ITSN2: variants seen among roughly 807,000 people sequenced by gnomAD.
ITSN2 encodes intersectin-2.
In ITSN2, 156 loss-of-function variants were observed where a neutral mutation model predicts 243.7. The observed-to-expected ratio is 0.64, with a 90% CI of 0.56 to 0.73. The LOEUF (loss-of-function observed/expected upper bound fraction) is 0.73. Among genes scored for constraint, ITSN2 ranks in the 30% least tolerant of loss-of-function variants. The pLI is 0.00. For synonymous variants in ITSN2, 703 were observed against 699.9 expected (o/e 1.00, Z -0.07); for missense variants, 1,801 against 1,996.1 (o/e 0.90, Z 1.86).
intron 17 of ITSN2, among the ~76,000 whole-genome samples, chr2:24,277,804 A>T (rs186499789): frequency 2.2e-4 from 33 of 152,380 alleles, no homozygotes; most frequent in African/African-American, 7.9e-4. Flanking sequence ...CATGTAAAAT[A>T]CACTAACAAT....
chr2:24,300,050 CT>C lies in ITSN2; in HGVS notation c.1202del (p.Lys401ArgfsTer22). ...REAERKAQKE[K>X]EEWERKQREL... Reference sequence around the variant, plus strand: ...CTCTCTGTTTTCGTTCCCACTCTTCCTTTTCTTTCTGGGCTTTACGTTCTGC... The same window carrying C: ...CTCTCTGTTTTCGTTCCCACTCTTCCTTTCTTTCTGGGCTTTACGTTCTGC... On this transcript the variant is annotated frameshift_variant, in exon 12 of 40. Transcript: ENST00000355123. LOFTEE classifies it high-confidence loss of function. 1 of 1,614,132 alleles carries C rather than the reference CT, an allele frequency of 6.2e-7. No individual in the cohort carries two copies. The highest frequency in any genetic ancestry group is 8.5e-7 in the Non-Finnish European group (1 of 1,180,028).
chr2:24,258,331 T>C (rs1056972719), intron 22 of ITSN2, among the ~76,000 whole-genome samples: 4 of 152,178 alleles, frequency 2.6e-5, no homozygotes, highest in Non-Finnish European at 4.4e-5. Context: ...ACATCACTGG[T>C]AGAGAAGGTA....
Position 24,275,789 on chromosome 2 carries a change from G to A in ITSN2, c.2005C>T (p.Arg669Cys), listed in dbSNP as rs144528455. The A allele has an allele frequency of 1.4e-5, 22 of 1,611,426 alleles. No homozygotes were observed. The highest frequency in any genetic ancestry group is 9.4e-5 in the African/African-American group (7 of 74,704). The change falls in exon 18 of 40, where the codon CGT (arginine) becomes TGT (cysteine). Residue 669 changes from arginine to cysteine, a missense_variant. Around this residue, in one of 5 missense-constraint regions of ITSN2, gnomAD observed 787 missense variants for 803.9 expected, o/e 0.98. Coordinates refer to ENST00000355123, the MANE Select transcript of ITSN2 (RefSeq NM_006277.3). ...CTTTCAATTTCCTTCAACTTGTCAC[G>A]TTTGATCTTATAAAGCTGTTCAAGG... ...LALEQLYKIK[R>C]DKLKEIERKR...
intron 29 of ITSN2, among the ~76,000 whole-genome samples, chr2:24,245,414 T>C (rs1453203594): frequency 1.3e-5 from 2 of 152,088 alleles, no homozygotes; most frequent in African/African-American, 4.8e-5. Flanking sequence ...AGGTTAGAAA[T>C]GTAATGGCTT....
intron 1 of ITSN2, among the ~76,000 whole-genome samples, chr2:24,331,773 T>C (rs1685815661): frequency 6.6e-6 from 1 of 152,174 alleles, no homozygotes; most frequent in Admixed American, 6.5e-5. Context: ...AGAGCAGTGG[T>C]TCTTCAGATA....
At chr2:24,207,365 T>G (rs1669003419) in intron 37 of ITSN2, among the ~76,000 whole-genome samples, 2 of 152,016 alleles carry the variant, frequency 1.3e-5, no homozygotes, top group African/African-American at 4.8e-5. Context: ...ACCACACTAC[T>G]GTCCACAGAG....
At chr2:24,350,823 A>G (rs1181922620) in intron 1 of ITSN2, among the ~76,000 whole-genome samples, 2 of 152,212 alleles carry the variant, frequency 1.3e-5, no homozygotes, top group Non-Finnish European at 2.9e-5. Context: ...AAAGTAGACT[A>G]GTGGCTACCT....
At chr2:24,285,957 G>C (rs1679444965) in intron 16 of ITSN2, among the ~76,000 whole-genome samples, 1 of 152,164 alleles carries the variant, frequency 6.6e-6, no homozygotes, top group Admixed American at 6.5e-5. Context: ...TTCTGGAAAT[G>C]TATAGATGCC....
At chr2:24,275,936 A>G (rs1677955025) in intron 17 of ITSN2, 87 bp from the exon 18 acceptor site, 3 of 978,834 alleles carry the variant, frequency 3.1e-6, no homozygotes, top group Non-Finnish European at 4.4e-6. Context: ...ATTAAAAGAT[A>G]AAAATCCTAT....
chr2:24,214,244 T>C (rs1669758087), intron 32 of ITSN2: 1 of 152,214 alleles, frequency 6.6e-6, no homozygotes. Context: ...TAAATGATAG[T>C]GGGTTTTAAC....
intron 4 of ITSN2, 103 bp from the exon 5 acceptor site, chr2:24,312,478 C>T (rs1186806714): frequency 2.1e-5 from 14 of 676,062 alleles, no homozygotes; most frequent in East Asian, 5.6e-5. Context: ...ATGGCATTCA[C>T]GTGTACATCA....
At chr2:24,310,239 T>C (rs1683087007) in intron 7 of ITSN2, 45 bp downstream of exon 7, 1 of 1,231,218 alleles carries the variant, frequency 8.1e-7, no homozygotes, top group African/African-American at 1.5e-5. Context: ...AAATAAAGAC[T>C]TCTTACTGAA....
chr2:24,342,081 T>C, intron 1 of ITSN2, among the ~76,000 whole-genome samples: 1 of 152,190 alleles, frequency 6.6e-6, no homozygotes, highest in South Asian at 2.1e-4. Flanking sequence ...CAGATATTTC[T>C]GTCTCTAAGA....
intron 8 of ITSN2, among the ~76,000 whole-genome samples, 188 bp downstream of exon 8, chr2:24,308,429 A>G (rs1385050597): frequency 6.6e-6 from 1 of 152,266 alleles, no homozygotes. Flanking sequence ...TGAAGAAAGC[A>G]ATCAAGTTGA....
intron 29 of ITSN2, among the ~76,000 whole-genome samples, chr2:24,243,870 A>G (rs1224708392): frequency 6.6e-6 from 1 of 152,226 alleles, no homozygotes; most frequent in Non-Finnish European, 1.5e-5. Flanking sequence ...AGTTAAATTA[A>G]ATTAAAAATT....
chr2:24,330,679 T>C, intron 1 of ITSN2: 2 of 715,516 alleles, frequency 2.8e-6, no homozygotes, highest in Non-Finnish European at 5.2e-6. Flanking sequence ...AAGTGAAGTG[T>C]GTGTATTTTT....
In ITSN2 at chr2:24,286,193, T is replaced by A. The variant is rs2151558709; in HGVS notation, c.1863+19A>T. 1 of 1,464,180 alleles carries A rather than the reference T, an allele frequency of 6.8e-7. No individual in the cohort carries two copies. Among genetic ancestry groups the A allele is most frequent in the East Asian group, 2.3e-5 (1 of 43,352 alleles). 90.7% of individuals were successfully genotyped at this position (1,464,180 alleles called of 1,614,324 possible). The stretch of plus-strand genomic sequence containing the variant: ...AAGAAGGCAGTTACCTAAAAATAAA[T>A]AGTATCAAAAATAAATACCTTTAGT... On this transcript the variant is annotated intron_variant, in intron 16 of 39. Transcript: ENST00000355123.
chr2:24,220,728 G>A (rs561966271), intron 30 of ITSN2: 37 of 1,349,134 alleles, frequency 2.7e-5, no homozygotes, highest in Non-Finnish European at 3.4e-5. Context: ...TCATCTGGGG[G>A]AAAGAGCTCA....
intron 22 of ITSN2, among the ~76,000 whole-genome samples, chr2:24,258,702 C>A (rs1267137091): frequency 1.3e-5 from 2 of 152,154 alleles, no homozygotes; most frequent in Non-Finnish European, 2.9e-5. Flanking sequence ...CTTGCTTCTA[C>A]TTCTGAATTC....
Sources: gnomAD v4.1 joint callset for allele counts (sites outside exome capture counted in the v4.1 genomes callset) on GRCh38, gnomAD v4.1.1 for gene constraint, gnomAD v4.1.1 regional missense constraint, MANE v1.5 for transcripts, NCBI Gene and HGNC (gene_info 2026-07-23, HGNC 2026-07-21) for gene names.